NKAIN2: variants seen among roughly 807,000 people sequenced by gnomAD.
NKAIN2 encodes sodium/potassium-transporting ATPase subunit beta-1-interacting protein 2.
A neutral mutation model predicts 32.6 loss-of-function variants in NKAIN2; 14 were observed. The observed-to-expected ratio is 0.43, with a 90% CI of 0.28 to 0.67. The LOEUF is 0.67. Ranked by LOEUF, NKAIN2 falls within the 30% of genes least tolerant of loss-of-function variation. NKAIN2 has a pLI of 0.17. For synonymous variants in NKAIN2, 80 were observed against 87.2 expected, an observed-to-expected ratio of 0.92 and a Z score of 0.46; for missense variants, 198 against 258.3, an observed-to-expected ratio of 0.77 and a Z score of 1.60.
rs755387739 is a variant in NKAIN2, at chr6:124,037,577, A to G, written c.54+233323A>G. Among the ~76,000 whole-genome samples, 6 of 152,240 alleles carry G rather than the reference A, an allele frequency of 3.9e-5. No individual in the cohort carries two copies. In the South Asian group the frequency reaches 6.2e-4, roughly 16 times the overall value. ...AAATTCGGTCATGGAATCAAATTGGATTAAGTCAGTATTGTCTTCCCAATA... is the reference window on the plus strand; with the variant it reads ...AAATTCGGTCATGGAATCAAATTGGGTTAAGTCAGTATTGTCTTCCCAATA... On this transcript the variant is annotated intron_variant, in intron 1 of 6. Transcript: ENST00000368417.
chr6:124,179,371 G>A (rs528103259), intron 1 of NKAIN2, among the ~76,000 whole-genome samples: 1 of 152,304 alleles, frequency 6.6e-6, no homozygotes, highest in East Asian at 1.9e-4. Flanking sequence ...CAATCAGAAG[G>A]AAGTGATCTC....
intron 3 of NKAIN2, among the ~76,000 whole-genome samples, chr6:124,479,207 C>T (rs1342882835): frequency 2.6e-5 from 4 of 151,976 alleles, no homozygotes; most frequent in East Asian, 3.9e-4. Flanking sequence ...GACCCTGGAA[C>T]ATAAAAAGAA....
chr6:124,753,880 A>G (rs1328188108), intron 4 of NKAIN2, among the ~76,000 whole-genome samples: 4 of 152,118 alleles, frequency 2.6e-5, no homozygotes, highest in African/African-American at 9.7e-5. Flanking sequence ...AATTGTCCCA[A>G]TGGAAGGATT....
intron 1 of NKAIN2, among the ~76,000 whole-genome samples, chr6:124,237,320 C>G (rs1045823684): frequency 6.6e-6 from 1 of 152,116 alleles, no homozygotes; most frequent in Non-Finnish European, 1.5e-5. Flanking sequence ...TAATACTGTT[C>G]TGGAAGCCAG....
intron 3 of NKAIN2, among the ~76,000 whole-genome samples, chr6:124,399,871 C>T (rs144291090): frequency 7.9e-5 from 12 of 152,092 alleles, no homozygotes; most frequent in South Asian, 2.1e-4. Context: ...TTGCTGGTGA[C>T]GATCAGTGAA....
In NKAIN2 at chr6:123,804,007, T is replaced by TGCCGCCGCCGCC; in HGVS notation, c.-185_-174dup. 1.7e-6 allele frequency: 1 copy of TGCCGCCGCCGCC among 599,172 alleles called. No individual in the cohort carries two copies. Among genetic ancestry groups the TGCCGCCGCCGCC allele is most frequent in the Non-Finnish European group, 3.0e-6 (1 of 336,366 alleles). The allele number at this position is 599,172 out of a possible 1,614,324, so 37.1% of individuals were successfully genotyped here. A position where few individuals can be genotyped will look rare whatever the true frequency, so the allele number is the denominator to read the frequency against. On this transcript the variant is annotated 5_prime_UTR_variant, in exon 1 of 7. Coordinates refer to ENST00000368417, the MANE Select transcript of NKAIN2 (RefSeq NM_001040214.3). ...TATGTGTGGCGGGCGCGGCTGGAGC[T>TGCCGCCGCCGCC]GCCGCCGCCGCCGCCGCCGCGCCAG...
intron 1 of NKAIN2, among the ~76,000 whole-genome samples, chr6:123,962,477 A>G (rs1419729671): frequency 6.6e-6 from 1 of 152,122 alleles, no homozygotes; most frequent in Non-Finnish European, 1.5e-5. Context: ...CATATTTTCA[A>G]TTGCTGATGC....
At chr6:124,772,778 C>G (rs554263721) in intron 4 of NKAIN2, among the ~76,000 whole-genome samples, 2 of 152,220 alleles carry the variant, frequency 1.3e-5, no homozygotes, top group South Asian at 4.1e-4. Flanking sequence ...ACTTAAAGTT[C>G]TGTTAACGAA....
At chr6:124,709,429 T>C (rs1298823360) in intron 4 of NKAIN2, among the ~76,000 whole-genome samples, 2 of 151,628 alleles carry the variant, frequency 1.3e-5, no homozygotes, top group African/African-American at 2.4e-5. Flanking sequence ...AGTTCCTCCT[T>C]GTACCTCTGG....
At chr6:124,331,045 G>A (rs576434351) in intron 2 of NKAIN2, among the ~76,000 whole-genome samples, 27 of 152,176 alleles carry the variant, frequency 1.8e-4, no homozygotes, top group East Asian at 5.8e-4. Context: ...GGTTGGGACC[G>A]CTGCCCTACA....
intron 5 of NKAIN2, among the ~76,000 whole-genome samples, chr6:124,805,203 A>G (rs950033725): frequency 3.9e-5 from 6 of 152,056 alleles, no homozygotes; most frequent in Admixed American, 2.0e-4. Flanking sequence ...TGGGTCCCTG[A>G]CCCCTGACCC....
intron 1 of NKAIN2, among the ~76,000 whole-genome samples, chr6:124,214,276 TGTGA>T (rs1791345161): frequency 6.6e-6 from 1 of 152,176 alleles, no homozygotes; most frequent in Non-Finnish European, 1.5e-5. Context: ...TAAAGAATCT[TGTGA>T]GTATTAATAG....
At chr6:124,305,389 G>A (rs2114987409) in intron 2 of NKAIN2, among the ~76,000 whole-genome samples, 1 of 152,244 alleles carries the variant, frequency 6.6e-6, no homozygotes, top group East Asian at 1.9e-4. Flanking sequence ...AATATTTATG[G>A]TATCTTTGGC....
chr6:124,105,397 A>G (rs988188757), intron 1 of NKAIN2, among the ~76,000 whole-genome samples: 3 of 152,122 alleles, frequency 2.0e-5, no homozygotes, highest in Non-Finnish European at 4.4e-5. Flanking sequence ...CGCCAGCCTC[A>G]GTTTTTGTAT....
intron 3 of NKAIN2, among the ~76,000 whole-genome samples, chr6:124,560,906 T>C (rs1780665001): frequency 6.6e-6 from 1 of 152,176 alleles, no homozygotes; most frequent in Non-Finnish European, 1.5e-5. Flanking sequence ...TAAATGTGAC[T>C]TTGCTTCCTG....
chr6:123,988,940 A>C (rs1779290746), intron 1 of NKAIN2, among the ~76,000 whole-genome samples: 1 of 151,766 alleles, frequency 6.6e-6, no homozygotes, highest in Admixed American at 6.6e-5. Context: ...ATGATCAATC[A>C]GAAGATCCTT....
chr6:124,177,773 ATTTTTTTTTTTT>A (rs1216484529), intron 1 of NKAIN2, among the ~76,000 whole-genome samples: 1 of 22,270 alleles, frequency 4.5e-5, no homozygotes, highest in African/African-American at 1.4e-4. Context: ...CTGTTCATCC[ATTTTTTTTTTTT>A]TTTTTTTTTT....
intron 1 of NKAIN2, among the ~76,000 whole-genome samples, chr6:124,269,813 T>C (rs1794670604): frequency 6.6e-6 from 1 of 152,098 alleles, no homozygotes. Context: ...AGACTGCCAG[T>C]ACATGGTAGC....
At chr6:124,756,055 C>T (rs1325453482) in intron 4 of NKAIN2, among the ~76,000 whole-genome samples, 1 of 151,982 alleles carries the variant, frequency 6.6e-6, no homozygotes, top group Non-Finnish European at 1.5e-5. Context: ...CTTAAGACTA[C>T]CACATTTGGT....
Sources: allele counts gnomAD v4.1 joint callset (sites outside exome capture counted in the v4.1 genomes callset), GRCh38; gene constraint gnomAD v4.1.1; transcripts MANE v1.5; gene names NCBI Gene and HGNC (gene_info 2026-07-23, HGNC 2026-07-21).